The following CNOT4 variants were observed in gnomAD, a reference collection of about 807,000 sequenced individuals.
CNOT4 encodes CCR4-NOT transcription complex subunit 4.
Under a neutral mutation model 73.8 loss-of-function variants are expected in CNOT4, and 8 were observed. The observed-to-expected ratio is 0.11, with a 90% confidence interval of 0.06 to 0.20. The LOEUF (loss-of-function observed/expected upper bound fraction) is 0.20, where lower values mean the gene tolerates loss of function less well. CNOT4 is among the 10% of genes least tolerant of loss of function. CNOT4 has a pLI of 1.00. For missense variants in CNOT4, 564 were observed against 883.4 expected, an observed-to-expected ratio of 0.64 and a Z score of 4.58; for synonymous variants, 293 against 321.1, an observed-to-expected ratio of 0.91 and a Z score of 0.94.
At chr7:135,409,701 T>A (rs1284846565) in intron 7 of CNOT4, among the ~76,000 whole-genome samples, 1 of 152,024 alleles carries the variant, frequency 6.6e-6, no homozygotes, top group Non-Finnish European at 1.5e-5. Context: ...AAAAAGATCA[T>A]CAACATAAAT....
intron 1 of CNOT4, chr7:135,444,800 T>TG (rs1799716926): frequency 6.2e-7 from 1 of 1,601,748 alleles, no homozygotes; most frequent in African/African-American, 1.3e-5. Flanking sequence ...ACTATGTTCA[T>TG]GGGGATGCCT....
chr7:135,391,249 C>G (rs1476409342), intron 10 of CNOT4, among the ~76,000 whole-genome samples: 1 of 152,078 alleles, frequency 6.6e-6, no homozygotes, highest in Non-Finnish European at 1.5e-5. Flanking sequence ...TTAGCACATT[C>G]AGTTTTCTGG....
chr7:135,502,009 G>T (rs1055000067), intron 1 of CNOT4, among the ~76,000 whole-genome samples: 2 of 152,180 alleles, frequency 1.3e-5, no homozygotes, highest in African/African-American at 4.8e-5. Flanking sequence ...TAAAAAGCAA[G>T]TTCTGCCCTC....
At chr7:135,492,146 T>C (rs191120411) in intron 1 of CNOT4, among the ~76,000 whole-genome samples, 2 of 152,150 alleles carry the variant, frequency 1.3e-5, no homozygotes, top group African/African-American at 4.8e-5. Flanking sequence ...AAAGCAAGGG[T>C]ACAAACTAAG....
chr7:135,424,645 C>T (rs933590609), intron 2 of CNOT4, among the ~76,000 whole-genome samples: 3 of 151,890 alleles, frequency 2.0e-5, no homozygotes, highest in African/African-American at 7.3e-5. Flanking sequence ...AAAAACTAGC[C>T]GGGTGTGGTA....
intron 1 of CNOT4, among the ~76,000 whole-genome samples, chr7:135,496,631 C>CCTCTCTCTCTCT (rs112838755): frequency 6.7e-6 from 1 of 148,484 alleles, no homozygotes; most frequent in African/African-American, 2.5e-5. Flanking sequence ...TCTTCCTATT[C>CCTCTCTCTCTCT]CTCTCTCTCT....
rs1429900710 is a variant in CNOT4 at position 135,429,572 on chromosome 7, T to A, written c.175-7219A>T. Among the ~76,000 whole-genome samples, 6 of 152,156 alleles carry A rather than the reference T, an allele frequency of 3.9e-5. No individual in the cohort carries two copies. The East Asian group carries it at 1.2e-3, about 29-fold the overall frequency. On this transcript the variant is annotated intron_variant, in intron 2 of 11. Transcript: ENST00000541284. ...CCCTGTCAGTTCCCCTCATCAAACA[T>A]CCCGAGTCCACTTTCTAATTTCTAC...
chr7:135,401,444 A>G (rs1228737250), intron 7 of CNOT4, among the ~76,000 whole-genome samples: 1 of 152,232 alleles, frequency 6.6e-6, no homozygotes, highest in East Asian at 1.9e-4. Context: ...TAAATTGCAC[A>G]GGGCTTTTTT....
chr7:135,425,346 T>C (rs180701019), intron 2 of CNOT4, among the ~76,000 whole-genome samples: 1 of 152,256 alleles, frequency 6.6e-6, no homozygotes, highest in African/African-American at 2.4e-5. Flanking sequence ...CATGTAATAT[T>C]TGAAAATACA....
At chr7:135,464,130 C>T (rs1801076360) in intron 1 of CNOT4, among the ~76,000 whole-genome samples, 1 of 151,674 alleles carries the variant, frequency 6.6e-6, no homozygotes, top group African/African-American at 2.4e-5. Flanking sequence ...AGCAGTATGG[C>T]AATTCCTCAG....
chr7:135,407,439 T>C (rs142512265), intron 7 of CNOT4, among the ~76,000 whole-genome samples: 2 of 152,210 alleles, frequency 1.3e-5, no homozygotes, highest in African/African-American at 4.8e-5. Flanking sequence ...AAAATACTTA[T>C]CTCAAGTAAA....
chr7:135,423,735 A>C (rs1277568885), intron 2 of CNOT4, among the ~76,000 whole-genome samples: 1 of 152,122 alleles, frequency 6.6e-6, no homozygotes, highest in Non-Finnish European at 1.5e-5. Context: ...AATCCTTAAC[A>C]GTTTGGTAGG....
chr7:135,390,041 A>G (rs1298171829), intron 10 of CNOT4, among the ~76,000 whole-genome samples: 2 of 152,178 alleles, frequency 1.3e-5, no homozygotes, highest in Admixed American at 6.5e-5. Flanking sequence ...ACTGATTTCT[A>G]TCAAGTCGAT....
At chr7:135,488,620 T>C (rs1390000174) in intron 1 of CNOT4, among the ~76,000 whole-genome samples, 2 of 152,236 alleles carry the variant, frequency 1.3e-5, no homozygotes, top group Non-Finnish European at 2.9e-5. Flanking sequence ...AGGTGTTTTG[T>C]TTATTTGCTG....
Position 135,406,349 on chromosome 7 carries a change from G to C in CNOT4, c.821+4166C>G, listed in dbSNP as rs1004390112. ...TTTCTATATCATGTACTTATGCAAA[G>C]CATGTACACCTATGTCAAAATTTGC... On this transcript the variant is annotated intron_variant, in intron 7 of 11. Transcript: ENST00000541284. Among the ~76,000 whole-genome samples the C allele has an allele frequency of 9.7e-5, 12 of 124,170 alleles. No individual in the cohort carries two copies. In the Admixed American group the frequency reaches 1.4e-3, roughly 15 times the overall value. The allele number at this position is 124,170 out of a possible 152,430, so 81.5% of individuals were successfully genotyped here.
chr7:135,507,942 A>T (rs552767502), intron 1 of CNOT4, among the ~76,000 whole-genome samples: 10 of 152,306 alleles, frequency 6.6e-5, no homozygotes, highest in African/African-American at 2.2e-4. Context: ...TGGTCCCCCA[A>T]ATTGGGGCTT....
intron 2 of CNOT4, among the ~76,000 whole-genome samples, chr7:135,435,624 T>C (rs1472255793): frequency 6.6e-6 from 1 of 152,196 alleles, no homozygotes; most frequent in African/African-American, 2.4e-5. Context: ...TGTGTTAGGA[T>C]CTTCTATTTA....
chr7:135,415,259 A>C lies in CNOT4; in HGVS notation c.376T>G (p.Leu126Val), dbSNP rs926094887. The C allele has an allele frequency of 1.3e-6, 2 of 1,524,094 alleles. No homozygotes were observed. The highest frequency in any genetic ancestry group is 1.8e-6 in the Non-Finnish European group (2 of 1,099,012). The allele number at this position is 1,524,094 out of a possible 1,614,324, so 94.4% of individuals were successfully genotyped here. The change falls in exon 4 of 12, where the codon TTA becomes GTA. Residue 126 changes from leucine to valine, a missense_variant. Transcript: ENST00000541284. ...TTCCCAAAATATTCTGGTCGTTTTAAAACCTATAAAAGAAGAAGAAATAAG... is the reference window on the plus strand; with the variant it reads ...TTCCCAAAATATTCTGGTCGTTTTACAACCTATAAAAGAAGAAGAAATAAG... Reference protein sequence around the residue: ...LSQRLADPEVLKRPEYFGKFG... With the variant: ...LSQRLADPEVVKRPEYFGKFG...
chr7:135,463,900 C>T (rs572126724), intron 1 of CNOT4, among the ~76,000 whole-genome samples: 1 of 150,742 alleles, frequency 6.6e-6, no homozygotes, highest in African/African-American at 2.4e-5. Context: ...TCAAAGAAGA[C>T]ATATATGCCA....
Sources: gnomAD v4.1 joint callset for allele counts (sites outside exome capture counted in the v4.1 genomes callset) on GRCh38, gnomAD v4.1.1 for gene constraint, MANE v1.5 for transcripts, NCBI Gene and HGNC (gene_info 2026-07-23, HGNC 2026-07-21) for gene names.